The following GABRG3 variants were observed in gnomAD, a reference collection of about 807,000 sequenced individuals.
The protein encoded by GABRG3 is gamma-aminobutyric acid type A receptor subunit gamma3, also known as gamma-aminobutyric acid receptor subunit gamma-3.
A neutral mutation model predicts 48.8 loss-of-function variants in GABRG3; 25 were observed. The ratio of observed to expected loss-of-function variants is 0.51; its 90% confidence interval spans 0.37 to 0.72. GABRG3 has a LOEUF of 0.72. Among genes scored for constraint, GABRG3 ranks in the 30% least tolerant of loss-of-function variants. GABRG3 has a pLI of 0.00. For synonymous variants in GABRG3, 227 were observed against 217.6 expected (o/e 1.04, Z -0.38); for missense variants, 394 against 577.9 (o/e 0.68, Z 3.26).
In GABRG3 at chr15:27,533,140, TGTTGTTTCTGAATG is replaced by T; in HGVS notation, c.*263_*276del. ...TAATCCCTACTGAATTGTAGCTTGG[TGTTGTTTCTGAATG>T]GTTTTTGGATATTGGAAGCAGCCGC... On this transcript the variant is annotated 3_prime_UTR_variant, in exon 10 of 10. Transcript: ENST00000615808. 1 of 389,940 alleles carries T rather than the reference TGTTGTTTCTGAATG, an allele frequency of 2.6e-6. No homozygotes were observed. Among genetic ancestry groups the T allele is most frequent in the Non-Finnish European group, 4.6e-6 (1 of 216,350 alleles). 24.2% of individuals were successfully genotyped at this position (389,940 alleles called of 1,614,324 possible). A position where few individuals can be genotyped will look rare whatever the true frequency, so the allele number is the denominator to read the frequency against.
In GABRG3 at chr15:27,180,137, G is replaced by A. The variant is rs1887880944; in HGVS notation, c.271-146672G>A. Among the ~76,000 whole-genome samples, 1 of 152,164 alleles carries A rather than the reference G, an allele frequency of 6.6e-6. No homozygotes were observed. Among genetic ancestry groups the A allele is most frequent in the African/African-American group, 2.4e-5 (1 of 41,426 alleles). ...TTTTACCAATCACAGAGCTCACAAAGAAGTTGTCCAGGCCCGGGGGGTGAG... is the reference window on the plus strand; with the variant it reads ...TTTTACCAATCACAGAGCTCACAAAAAAGTTGTCCAGGCCCGGGGGGTGAG... On this transcript the variant is annotated intron_variant, in intron 3 of 9. Coordinates refer to ENST00000615808, the MANE Select transcript of GABRG3 (RefSeq NM_033223.5). This position sits in a 1 kb window ranked among gnomAD's most constrained non-coding sequence, Gnocchi z 4.2.
At chr15:27,022,015 A>C (rs555829289) in intron 2 of GABRG3, among the ~76,000 whole-genome samples, 1 of 152,206 alleles carries the variant, frequency 6.6e-6, no homozygotes, top group East Asian at 1.9e-4. Context: ...GTGTAAATCC[A>C]TAGGCTCATT....
chr15:27,216,664 G>A (rs752208638), intron 3 of GABRG3, among the ~76,000 whole-genome samples: 2 of 151,510 alleles, frequency 1.3e-5, no homozygotes, highest in South Asian at 2.1e-4. Context: ...TGTGATGAAT[G>A]CCTTTTCTGT....
chr15:27,371,934 G>C (rs1895428859), intron 5 of GABRG3, among the ~76,000 whole-genome samples: 2 of 152,224 alleles, frequency 1.3e-5, no homozygotes, highest in Non-Finnish European at 2.9e-5. Flanking sequence ...AAAGTGACAT[G>C]CTGGATCTTT....
intron 6 of GABRG3, among the ~76,000 whole-genome samples, chr15:27,510,262 G>A (rs1890864418): frequency 6.6e-6 from 1 of 152,168 alleles, no homozygotes. Context: ...GGCATGATTT[G>A]TAAACCTAGT....
In GABRG3 at chr15:27,180,005, A is replaced by C. The variant is rs1217963541; in HGVS notation, c.271-146804A>C. ...CTCTGGCGGTACATTTTGCACACTC[A>C]TGGTTACATGGAAGTGGCTAAATGG... On this transcript the variant is annotated intron_variant, in intron 3 of 9. Transcript: ENST00000615808. The surrounding 1 kb of genome is among the most constrained non-coding windows in gnomAD (Gnocchi z 4.2). 1.3e-5 allele frequency among the ~76,000 whole-genome samples: 2 copies of C among 152,140 alleles called. No homozygotes were observed. Among genetic ancestry groups the C allele is most frequent in the African/African-American group, 4.8e-5 (2 of 41,422 alleles).
chr15:27,264,674 A>G (rs1890865747), intron 3 of GABRG3, among the ~76,000 whole-genome samples: 1 of 151,966 alleles, frequency 6.6e-6, no homozygotes, highest in African/African-American at 2.4e-5. Flanking sequence ...CCAAACAACA[A>G]CAAAAAAGTA....
intron 3 of GABRG3, among the ~76,000 whole-genome samples, chr15:27,027,359 GGGGTTAACA>G (rs1161299536): frequency 6.6e-6 from 1 of 152,206 alleles, no homozygotes; most frequent in African/African-American, 2.4e-5. Context: ...CTGCCAGCAA[GGGGTTAACA>G]GGACTACCTA....
intron 8 of GABRG3, 104 bp downstream of exon 8, chr15:27,527,733 A>G: frequency 8.5e-7 from 1 of 1,182,256 alleles, no homozygotes; most frequent in Non-Finnish European, 1.2e-6. Flanking sequence ...ACAAAGCATG[A>G]TACAAATACC....
intron 5 of GABRG3, among the ~76,000 whole-genome samples, chr15:27,403,192 T>G (rs1887524617): frequency 6.6e-6 from 1 of 151,338 alleles, no homozygotes; most frequent in Non-Finnish European, 1.5e-5. Context: ...AGTAGAAGAT[T>G]GGCCAGAATA....
chr15:27,252,016 G>C (rs1890472394), intron 3 of GABRG3, among the ~76,000 whole-genome samples: 1 of 152,226 alleles, frequency 6.6e-6, no homozygotes. Flanking sequence ...ATTCAGTGCA[G>C]ATGTGCCCGC....
intron 3 of GABRG3, among the ~76,000 whole-genome samples, chr15:27,105,775 C>G (rs2140367632): frequency 6.6e-6 from 1 of 152,132 alleles, no homozygotes; most frequent in East Asian, 1.9e-4. Flanking sequence ...ACTATATGAC[C>G]TCTCTTCTGG....
At chr15:27,379,721 A>G (rs1246926345) in intron 5 of GABRG3, among the ~76,000 whole-genome samples, 1 of 152,152 alleles carries the variant, frequency 6.6e-6, no homozygotes, top group Non-Finnish European at 1.5e-5. Context: ...TTCTTTCAAC[A>G]CTATAAATAT....
intron 3 of GABRG3, among the ~76,000 whole-genome samples, chr15:27,090,617 T>C (rs1178401532): frequency 6.6e-6 from 1 of 152,204 alleles, no homozygotes; most frequent in Non-Finnish European, 1.5e-5. Flanking sequence ...TTGATTTACA[T>C]TTTACTAATG....
chr15:27,183,726 C>T (rs758565362), intron 3 of GABRG3, among the ~76,000 whole-genome samples: 23 of 152,196 alleles, frequency 1.5e-4, no homozygotes, highest in African/African-American at 2.2e-4. Context: ...CTCTGTTACT[C>T]ATCCACATAA....
chr15:27,024,520 T>C (rs899455339), intron 2 of GABRG3, among the ~76,000 whole-genome samples: 1 of 152,206 alleles, frequency 6.6e-6, no homozygotes, highest in African/African-American at 2.4e-5. Context: ...CTTTTGCCTG[T>C]GGATATCCAG....
At chr15:27,300,695 A>C (rs888757721) in intron 3 of GABRG3, among the ~76,000 whole-genome samples, 2 of 144,946 alleles carry the variant, frequency 1.4e-5, no homozygotes, top group Admixed American at 6.9e-5. Context: ...AAAAAAAAAA[A>C]AACACCTGGA....
chr15:27,516,687 T>C (rs1891027231), intron 6 of GABRG3, among the ~76,000 whole-genome samples: 1 of 152,232 alleles, frequency 6.6e-6, no homozygotes, highest in Admixed American at 6.5e-5. Context: ...AATAAATGCA[T>C]GTCAGTCTCT....
At chr15:27,379,116 C>T (rs1227856144) in intron 5 of GABRG3, among the ~76,000 whole-genome samples, 1 of 152,234 alleles carries the variant, frequency 6.6e-6, no homozygotes, top group African/African-American at 2.4e-5. Flanking sequence ...CCCAGTCTCT[C>T]AAATGTCATC....
Sources: gnomAD v4.1 joint callset for allele counts (sites outside exome capture counted in the v4.1 genomes callset) on GRCh38, gnomAD v4.1.1 for gene constraint, Gnocchi (gnomAD v3.1) non-coding constraint, MANE v1.5 for transcripts, NCBI Gene and HGNC (gene_info 2026-07-23, HGNC 2026-07-21) for gene names.